GPC5: variants seen among roughly 807,000 people sequenced by gnomAD.
GPC5 encodes glypican 5.
Under a neutral mutation model 53.9 loss-of-function variants are expected in GPC5, and 47 were observed. That is an observed-to-expected ratio of 0.87 (90% CI 0.69 to 1.11). The LOEUF is 1.11. GPC5 is among the 50% of genes most tolerant of loss of function. GPC5 has a pLI of 0.00. For synonymous variants in GPC5, 286 were observed against 263.3 expected, an observed-to-expected ratio of 1.09 and a Z score of -0.84; for missense variants, 748 against 713.1, an observed-to-expected ratio of 1.05 and a Z score of -0.56.
chr13:92,060,610 C>T (rs1257439466), intron 6 of GPC5, among the ~76,000 whole-genome samples: 1 of 151,938 alleles, frequency 6.6e-6, no homozygotes, highest in Non-Finnish European at 1.5e-5. Flanking sequence ...AAACAGAAGA[C>T]ATATATCAAA....
chr13:92,271,170 A>G (rs556619425), intron 7 of GPC5, among the ~76,000 whole-genome samples: 2 of 152,264 alleles, frequency 1.3e-5, no homozygotes, highest in South Asian at 4.1e-4. Context: ...TTGTTTCTGA[A>G]CAATGTCCAA....
intron 7 of GPC5, among the ~76,000 whole-genome samples, chr13:92,336,982 AC>A (rs2043328260): frequency 6.6e-6 from 1 of 152,114 alleles, no homozygotes; most frequent in Admixed American, 6.6e-5. Context: ...AGACTTATTC[AC>A]TATCATGAGA....
Position 92,431,299 on chromosome 13 carries a change from GA to G in GPC5, c.1561+286311del, listed in dbSNP as rs1258467719. ...AAGCACATAAATATATACAATAAAA[GA>G]TAATTTAAGGTAATGATTACTACAA... On this transcript the variant is annotated intron_variant, in intron 7 of 7. Coordinates refer to ENST00000377067, the MANE Select transcript of GPC5 (RefSeq NM_004466.6). Among the ~76,000 whole-genome samples the G allele has an allele frequency of 6.0e-5, 9 of 150,338 alleles. No individual in the cohort carries two copies. The South Asian group carries it at 1.0e-3, about 18-fold the overall frequency.
At chr13:91,563,310 A>G (rs1404595023) in intron 2 of GPC5, among the ~76,000 whole-genome samples, 2 of 152,158 alleles carry the variant, frequency 1.3e-5, no homozygotes, top group African/African-American at 4.8e-5. Flanking sequence ...CTGCTAATTA[A>G]TGTTCAAACA....
At chr13:92,229,582 A>G (rs2042514996) in intron 7 of GPC5, among the ~76,000 whole-genome samples, 1 of 152,126 alleles carries the variant, frequency 6.6e-6, no homozygotes. Flanking sequence ...ATCAATGTGG[A>G]CTATTCTAAA....
At chr13:92,526,810 T>C (rs1286793066) in intron 7 of GPC5, among the ~76,000 whole-genome samples, 1 of 151,844 alleles carries the variant, frequency 6.6e-6, no homozygotes, top group Admixed American at 6.6e-5. Flanking sequence ...ATTATCAAGA[T>C]ATCTTGAAGA....
At chr13:92,317,762 T>C (rs1440715861) in intron 7 of GPC5, among the ~76,000 whole-genome samples, 2 of 152,038 alleles carry the variant, frequency 1.3e-5, no homozygotes, top group Non-Finnish European at 2.9e-5. Context: ...CAGCCTCCCA[T>C]AGTGCTGGGA....
intron 6 of GPC5, among the ~76,000 whole-genome samples, chr13:92,071,917 T>A (rs1422100640): frequency 6.8e-6 from 1 of 146,790 alleles, no homozygotes; most frequent in African/African-American, 2.5e-5. Context: ...TATATGTATA[T>A]AATGTATTAT....
intron 6 of GPC5, among the ~76,000 whole-genome samples, chr13:92,057,665 C>A (rs2041086750): frequency 6.6e-6 from 1 of 152,080 alleles, no homozygotes; most frequent in African/African-American, 2.4e-5. Flanking sequence ...ACATGTATCT[C>A]ATCATAGCCT....
intron 7 of GPC5, among the ~76,000 whole-genome samples, chr13:92,146,799 C>T (rs1266722142): frequency 1.3e-5 from 2 of 152,034 alleles, no homozygotes; most frequent in South Asian, 2.1e-4. Flanking sequence ...CTTGGAATAA[C>T]GGTCTCCAAT....
chr13:92,534,212 G>A (rs1881651259), intron 7 of GPC5, among the ~76,000 whole-genome samples: 2 of 152,074 alleles, frequency 1.3e-5, no homozygotes, highest in African/African-American at 4.8e-5. Flanking sequence ...GCTTGAGCCT[G>A]GGAGGAAAAG....
chr13:91,982,453 CAAAAT>C (rs2040367920), intron 6 of GPC5, among the ~76,000 whole-genome samples: 1 of 139,112 alleles, frequency 7.2e-6, no homozygotes, highest in South Asian at 2.4e-4. Flanking sequence ...TATAATGAAA[CAAAAT>C]AATAAAAAAG....
At chr13:91,982,915 A>G (rs1461123422) in intron 6 of GPC5, among the ~76,000 whole-genome samples, 1 of 152,196 alleles carries the variant, frequency 6.6e-6, no homozygotes, top group African/African-American at 2.4e-5. Flanking sequence ...ACATACTACT[A>G]GCACAATATG....
chr13:92,051,633 A>G (rs1184565643), intron 6 of GPC5, among the ~76,000 whole-genome samples: 1 of 152,198 alleles, frequency 6.6e-6, no homozygotes, highest in Non-Finnish European at 1.5e-5. Flanking sequence ...ATAGATATAC[A>G]TTTTGACCTT....
At chr13:92,196,995 CAA>C (rs2042261230) in intron 7 of GPC5, among the ~76,000 whole-genome samples, 1 of 152,138 alleles carries the variant, frequency 6.6e-6, no homozygotes, top group African/African-American at 2.4e-5. Flanking sequence ...ACACTGGAAA[CAA>C]TATGAATCGT....
chr13:91,954,958 G>T, intron 6 of GPC5, among the ~76,000 whole-genome samples: 1 of 151,764 alleles, frequency 6.6e-6, no homozygotes, highest in African/African-American at 2.4e-5. Context: ...ACATACTTTT[G>T]AAAATATTTT....
intron 6 of GPC5, among the ~76,000 whole-genome samples, chr13:92,072,252 C>T (rs1465991383): frequency 6.7e-6 from 1 of 149,694 alleles, no homozygotes; most frequent in South Asian, 2.1e-4. Context: ...TAATTTTCTG[C>T]TAATTTTAAT....
intron 6 of GPC5, among the ~76,000 whole-genome samples, chr13:91,966,094 A>G (rs1025034928): frequency 2.0e-5 from 3 of 152,200 alleles, no homozygotes; most frequent in Non-Finnish European, 2.9e-5. Flanking sequence ...CTAAAAGGTA[A>G]ATTCCTCATA....
chr13:92,665,551 T>C (rs888280457), intron 7 of GPC5, among the ~76,000 whole-genome samples: 7 of 152,148 alleles, frequency 4.6e-5, no homozygotes, highest in Admixed American at 1.3e-4. Context: ...ATATACAGGA[T>C]TGATTTTGAG....
Sources: gnomAD v4.1 joint callset for allele counts (sites outside exome capture counted in the v4.1 genomes callset) on GRCh38, gnomAD v4.1.1 for gene constraint, MANE v1.5 for transcripts, NCBI Gene and HGNC (gene_info 2026-07-23, HGNC 2026-07-21) for gene names.